RFC1: variants seen among roughly 807,000 people sequenced by gnomAD.
RFC1 encodes the protein replication factor C subunit 1.
In RFC1, 37 loss-of-function variants were observed where a neutral mutation model predicts 137.4. The observed-to-expected ratio is 0.27, with a 90% CI of 0.21 to 0.35. The LOEUF (loss-of-function observed/expected upper bound fraction) is 0.35. Among genes scored for constraint, RFC1 ranks in the 10% least tolerant of loss-of-function variants. RFC1 has a pLI of 1.00. For synonymous variants in RFC1, 429 were observed against 455.7 expected, an observed-to-expected ratio of 0.94 and a Z score of 0.75; for missense variants, 1,205 against 1,358.5, an observed-to-expected ratio of 0.89 and a Z score of 1.78.
chr4:39,353,799 C>T (rs1334955298), intron 1 of RFC1, among the ~76,000 whole-genome samples: 1 of 152,156 alleles, frequency 6.6e-6, no homozygotes, highest in African/African-American at 2.4e-5. Context: ...TAAACACATA[C>T]ACACAAAGAC....
chr4:39,293,068 T>C (rs189320810), intron 22 of RFC1, among the ~76,000 whole-genome samples: 12 of 152,294 alleles, frequency 7.9e-5, no homozygotes, highest in Non-Finnish European at 1.2e-4. Flanking sequence ...GTGTGAACCA[T>C]AAGAAGCCAC....
intron 3 of RFC1, among the ~76,000 whole-genome samples, chr4:39,344,113 CAAA>C (rs200972830): frequency 9.7e-6 from 1 of 103,612 alleles, no homozygotes; most frequent in Admixed American, 1.0e-4. Flanking sequence ...AATTCCGTCT[CAAA>C]AAAAAAAAAA....
At chr4:39,338,101 T>C (rs1262466470) in intron 4 of RFC1, among the ~76,000 whole-genome samples, 1 of 152,224 alleles carries the variant, frequency 6.6e-6, no homozygotes, top group Non-Finnish European at 1.5e-5. Flanking sequence ...CAACAAGTAT[T>C]TGGGTTTTTA....
At position 39,327,537 on chromosome 4, in the gene RFC1, C is replaced by T. The variant is rs1481174828; in HGVS notation, c.551G>A (p.Ser184Asn). The T allele has an allele frequency of 1.9e-6, 3 of 1,608,628 alleles. No homozygotes were observed. The East Asian group carries it at 6.7e-5, about 36-fold the overall frequency. ...VQRSNKKMVA[S>N]KRKELSQNTD... The stretch of plus-strand genomic sequence containing the variant: ...TAGAACACTTACCTCTTTTCTTTTG[C>T]TTGCCACCATCTTCTTATTAGATCT... Residue 184 changes from serine to asparagine, a missense_variant, in exon 5 of 25, where the codon AGC becomes AAC. Ser to Asn is a conservative substitution (Grantham distance 46). This residue lies in a region of RFC1 where 962 missense variants were observed against 1,035.3 expected (regional missense o/e 0.93). Transcript: ENST00000349703.
At chr4:39,347,169 T>G (rs971984768) in intron 2 of RFC1, among the ~76,000 whole-genome samples, 1 of 152,240 alleles carries the variant, frequency 6.6e-6, no homozygotes, top group Non-Finnish European at 1.5e-5. Flanking sequence ...TGTCCAGATA[T>G]TTGGTCAAAC....
chr4:39,305,695 C>A (rs1738605629), intron 14 of RFC1, among the ~76,000 whole-genome samples: 1 of 152,068 alleles, frequency 6.6e-6, no homozygotes, highest in Non-Finnish European at 1.5e-5. Context: ...CGACACTATC[C>A]CAATAAACTA....
intron 9 of RFC1, among the ~76,000 whole-genome samples, chr4:39,318,976 T>C (rs1739384555): frequency 6.6e-6 from 1 of 152,216 alleles, no homozygotes; most frequent in African/African-American, 2.4e-5. Flanking sequence ...ACCGTTCGCT[T>C]CTCAAATATA....
At chr4:39,336,946 A>G (rs1740381291) in intron 4 of RFC1, among the ~76,000 whole-genome samples, 1 of 152,270 alleles carries the variant, frequency 6.6e-6, no homozygotes, top group East Asian at 1.9e-4. Context: ...GAACACAAAG[A>G]TAAATCTATC....
intron 7 of RFC1, 71 bp downstream of exon 7, chr4:39,323,269 C>G: frequency 1.7e-6 from 2 of 1,148,520 alleles, no homozygotes. Context: ...TGGCTAGAGC[C>G]TAGAACACGC....
Position 39,309,035 on chromosome 4 carries a change from TAAG to T in RFC1, c.1489-6_1489-4del, listed in dbSNP as rs755080241. On this transcript the variant is annotated splice_region_variant and splice_polypyrimidine_tract_variant and intron_variant, in intron 12 of 24. Coordinates refer to ENST00000349703, the MANE Select transcript of RFC1 (RefSeq NM_002913.5). ...TCCAGTTTGGACTCTTTCTTCATCT[TAAG>T]AAGTGGAAAAATGAGGAAAAAAGAA... The T allele has an allele frequency of 1.3e-6, 2 of 1,579,244 alleles. No homozygotes were observed. The highest frequency in any genetic ancestry group is 2.2e-5 in the East Asian group (1 of 44,724).
chr4:39,316,758 T>C (rs561759928), intron 10 of RFC1, among the ~76,000 whole-genome samples, 157 bp downstream of exon 10: 2 of 152,354 alleles, frequency 1.3e-5, no homozygotes, highest in Admixed American at 6.5e-5. Context: ...ATTCATAACA[T>C]GAATAAACAT....
intron 1 of RFC1, among the ~76,000 whole-genome samples, chr4:39,364,080 TAAAA>T (rs34471101): frequency 1.6e-4 from 20 of 122,906 alleles, no homozygotes; most frequent in South Asian, 1.3e-3. Context: ...ACCTTGCCTT[TAAAA>T]AAAAAAAAAA....
chr4:39,302,564 C>A lies in RFC1; in HGVS notation c.2372G>T (p.Gly791Val). 1 of 1,611,726 alleles carries A rather than the reference C, an allele frequency of 6.2e-7. No homozygotes were observed. Among genetic ancestry groups the A allele is most frequent in the Non-Finnish European group, 8.5e-7 (1 of 1,178,440 alleles). ...CATAGCTGGAGGGGGAATCTTTAAA[C>A]CTTCTTTAAATGCAATAGACATCAT... ...GAMMSIAFKEGLKIPPPAMNE... is the reference protein window; with the variant it reads ...GAMMSIAFKEVLKIPPPAMNE... The change falls in exon 18 of 25, where the codon GGT becomes GTT. Residue 791 changes from glycine to valine, a missense_variant. Around this residue, in one of 3 missense-constraint regions of RFC1, gnomAD observed 962 missense variants for 1,035.3 expected, o/e 0.93. Coordinates refer to ENST00000349703, the MANE Select transcript of RFC1 (RefSeq NM_002913.5).
chr4:39,320,673 G>C lies in RFC1; in HGVS notation c.809-4C>G. On this transcript the variant is annotated splice_region_variant and splice_polypyrimidine_tract_variant and intron_variant, in intron 8 of 24. Transcript: ENST00000349703. ...TCTGAAACTTGTGCTGTTTTTACTA[G>C]GAAGAAAGAAAAGATTATGGTTGTT... is the stretch of plus-strand genomic sequence containing the variant. 1 of 1,560,160 alleles carries C rather than the reference G, an allele frequency of 6.4e-7. No individual in the cohort carries two copies. Among genetic ancestry groups the C allele is most frequent in the Middle Eastern group, 1.7e-4 (1 of 5,786 alleles).
In RFC1 at chr4:39,308,679, C is replaced by G; in HGVS notation, c.1842G>C (p.Trp614Cys). The stretch of plus-strand genomic sequence containing the variant: ...AAGAACTCTTTTGCCAGTTTCGGAG[C>G]CAGCGTAGGAGTTTGTTGGCACAGC... ...DQSCANKLLRWLRNWQKSSSE... is the reference protein window; with the variant it reads ...DQSCANKLLRCLRNWQKSSSE... Residue 614 changes from tryptophan to cysteine, a missense_variant, in exon 13 of 25, where the codon TGG becomes TGC. This residue lies in a region of RFC1 where 962 missense variants were observed against 1,035.3 expected (regional missense o/e 0.93). Transcript: ENST00000349703. The G allele has an allele frequency of 6.2e-7, 1 of 1,612,140 alleles. No homozygotes were observed. The highest frequency in any genetic ancestry group is 8.5e-7 in the Non-Finnish European group (1 of 1,179,298).
intron 22 of RFC1, among the ~76,000 whole-genome samples, chr4:39,292,362 T>C (rs1334306452): frequency 6.6e-6 from 1 of 152,098 alleles, no homozygotes. Context: ...TTTCTCCAAA[T>C]CTAAGAAAAT....
At chr4:39,299,903 A>T (rs17335389) in intron 21 of RFC1, 118 bp downstream of exon 21, 10,682 of 672,244 alleles carry the variant, frequency 0.016, 123 homozygotes, top group Non-Finnish European at 0.022. Context: ...CAACAGAGCG[A>T]GACTCGATCT....
intron 2 of RFC1, among the ~76,000 whole-genome samples, chr4:39,349,029 G>A (rs1449644483): frequency 6.6e-6 from 1 of 150,930 alleles, no homozygotes; most frequent in African/African-American, 2.4e-5. Flanking sequence ...TCATATTTTA[G>A]AAGCACATTC....
intron 1 of RFC1, among the ~76,000 whole-genome samples, chr4:39,353,962 C>A (rs760967942): frequency 1.3e-5 from 2 of 152,178 alleles, no homozygotes; most frequent in Non-Finnish European, 2.9e-5. Flanking sequence ...AACAGAGCCA[C>A]TGTTAACACT....
Sources: gnomAD v4.1 joint callset for allele counts (sites outside exome capture counted in the v4.1 genomes callset) on GRCh38, gnomAD v4.1.1 for gene constraint, gnomAD v4.1.1 regional missense constraint, MANE v1.5 for transcripts, NCBI Gene and HGNC (gene_info 2026-07-23, HGNC 2026-07-21) for gene names.